Variants in RHPN2 observed in about 807,000 individuals in gnomAD.
RHPN2 encodes the protein rhophilin-2.
In RHPN2, 40 loss-of-function variants were observed where a neutral mutation model predicts 79.0. The observed-to-expected ratio is 0.51, with a 90% CI of 0.39 to 0.66. The LOEUF (loss-of-function observed/expected upper bound fraction) is 0.66, where lower values mean the gene tolerates loss of function less well. Among genes scored for constraint, RHPN2 ranks in the 30% least tolerant of loss-of-function variants. RHPN2 has a pLI of 0.00. For missense variants in RHPN2, 686 were observed against 883.5 expected, an observed-to-expected ratio of 0.78 and a Z score of 2.83; for synonymous variants, 285 against 363.5, an observed-to-expected ratio of 0.78 and a Z score of 2.46.
chr19:33,026,389 G>T, intron 3 of RHPN2, 115 bp downstream of exon 3: 3 of 1,370,332 alleles, frequency 2.2e-6, no homozygotes, highest in Non-Finnish European at 3.1e-6. Flanking sequence ...ACTTCCGAAA[G>T]TGGGGGCTGC....
rs1971761970 is a variant in RHPN2 at position 33,002,965 on chromosome 19, T to C, written c.796A>G (p.Thr266Ala). The change falls in exon 8 of 15, where the codon ACT becomes GCT. Residue 266 changes from threonine (T) to alanine (A), a missense_variant. Transcript: ENST00000254260. ...GCAGGGCTCATGTCGTAACTTGGAG[T>C]ATGGGTAAATGTGTCTTTCAGGTAA... ...LNYLKDTFTHTPSYDMSPAML... is the reference protein window; with the variant it reads ...LNYLKDTFTHAPSYDMSPAML... 6.2e-7 allele frequency: 1 copy of C among 1,613,740 alleles called. No individual in the cohort carries two copies. Among genetic ancestry groups the C allele is most frequent in the African/African-American group, 1.3e-5 (1 of 74,880 alleles).
chr19:33,027,010 A>G, intron 2 of RHPN2: 1 of 329,828 alleles, frequency 3.0e-6, no homozygotes, highest in Non-Finnish European at 6.0e-6. Flanking sequence ...TAATCCCAGC[A>G]CTCTGGGAGG....
At chr19:33,050,476 T>C (rs1972177886) in intron 1 of RHPN2, among the ~76,000 whole-genome samples, 2 of 152,154 alleles carry the variant, frequency 1.3e-5, no homozygotes, top group Admixed American at 1.3e-4. Flanking sequence ...TGCGTAACCA[T>C]CACTCCTATC....
chr19:33,060,387 T>C (rs778968198), intron 1 of RHPN2, among the ~76,000 whole-genome samples: 2 of 152,156 alleles, frequency 1.3e-5, no homozygotes, highest in Non-Finnish European at 2.9e-5. Context: ...CTCTGCCAGA[T>C]ATTGCCCTTT....
chr19:33,064,762 C>CCCCCCCCCCCCA, intron 1 of RHPN2, 22 bp downstream of exon 1: 1 of 1,405,256 alleles, frequency 7.1e-7, no homozygotes, highest in Non-Finnish European at 9.6e-7. Context: ...AGGTCCCCGC[C>CCCCCCCCCCCCA]CGCCCGCCCG....
chr19:33,058,729 A>G (rs1329505135), intron 1 of RHPN2, among the ~76,000 whole-genome samples: 2 of 152,158 alleles, frequency 1.3e-5, no homozygotes, highest in Non-Finnish European at 2.9e-5. Context: ...GCAGTGAGCC[A>G]AGATCCCGCC....
chr19:32,986,455 T>C (rs1430791010), intron 14 of RHPN2, among the ~76,000 whole-genome samples: 3 of 152,184 alleles, frequency 2.0e-5, no homozygotes, highest in Non-Finnish European at 4.4e-5. Flanking sequence ...TTTCTTATGA[T>C]CCCTTCTCCC....
At position 33,002,346 on chromosome 19, in the gene RHPN2, T is replaced by C. The variant is rs1423701745; in HGVS notation, c.1006A>G (p.Asn336Asp). 1 of 1,613,794 alleles carries C rather than the reference T, an allele frequency of 6.2e-7. No homozygotes were observed. The highest frequency in any genetic ancestry group is 8.5e-7 in the Non-Finnish European group (1 of 1,179,880). ...AAMSQAPVKE[N>D]IPYSWASLAC... Reference sequence around the variant, plus strand: ...AAGCTGGCCCAGGAGTAGGGGATGTTCTCTTTCACCGGCGCCTGGCTCATG... The same window carrying C: ...AAGCTGGCCCAGGAGTAGGGGATGTCCTCTTTCACCGGCGCCTGGCTCATG... The change falls in exon 9 of 15, where the codon AAC (asparagine) becomes GAC (aspartate). Residue 336 changes from asparagine to aspartate, a missense_variant. Asn to Asp is a conservative substitution (Grantham distance 23). Transcript: ENST00000254260.
At chr19:32,993,868 C>A (rs1008785815) in intron 12 of RHPN2, 109 bp downstream of exon 12, 17 of 827,928 alleles carry the variant, frequency 2.1e-5, no homozygotes, top group Non-Finnish European at 3.6e-5. Context: ...ATAAGCCCCC[C>A]AGTTTGAGGC....
intron 10 of RHPN2, among the ~76,000 whole-genome samples, chr19:32,998,931 G>A (rs1294089059): frequency 1.5e-5 from 2 of 136,282 alleles, no homozygotes; most frequent in African/African-American, 2.8e-5. Flanking sequence ...GGTAACAGGG[G>A]AGGGAAGAGG....
Position 32,995,932 on chromosome 19 carries a change from A to C in RHPN2, c.1420+94T>G, listed in dbSNP as rs564104949. ...CTGTGCAGCTCTCCTTGTGCCAAGC[A>C]CACAGCGAGGGCTCGCTCAACCCCC... On this transcript the variant is annotated intron_variant, in intron 11 of 14. Transcript: ENST00000254260. 2.5e-5 allele frequency: 30 copies of C among 1,223,688 alleles called. No individual in the cohort carries two copies. In the East Asian group the frequency reaches 6.7e-4, roughly 27 times the overall value. The allele number at this position is 1,223,688 out of a possible 1,614,324, so 75.8% of individuals were successfully genotyped here.
intron 2 of RHPN2, among the ~76,000 whole-genome samples, chr19:33,042,834 A>G (rs978369633): frequency 6.6e-6 from 1 of 152,130 alleles, no homozygotes; most frequent in Non-Finnish European, 1.5e-5. Context: ...TAATCCCAGC[A>G]CTTTGGGAGG....
At chr19:32,999,469 T>C in intron 10 of RHPN2, 117 bp downstream of exon 10, 1 of 1,324,950 alleles carries the variant, frequency 7.5e-7, no homozygotes, top group Admixed American at 2.0e-5. Context: ...GTGGCCACGA[T>C]GACTCGGAAC....
intron 12 of RHPN2, among the ~76,000 whole-genome samples, chr19:32,992,431 T>C (rs976351732): frequency 6.6e-6 from 1 of 151,768 alleles, no homozygotes; most frequent in East Asian, 1.9e-4. Flanking sequence ...CCTCAGGTGA[T>C]CCGCCCGCCT....
chr19:33,011,580 T>C, intron 6 of RHPN2, 99 bp downstream of exon 6: 2 of 1,443,736 alleles, frequency 1.4e-6, no homozygotes. Flanking sequence ...GGGGCTGAGG[T>C]GCACAGGGGC....
intron 4 of RHPN2, among the ~76,000 whole-genome samples, chr19:33,013,345 C>A (rs540909381): frequency 1.3e-5 from 2 of 152,024 alleles, no homozygotes; most frequent in African/African-American, 4.8e-5. Flanking sequence ...CAGGCATGTG[C>A]CACCATGCGC....
intron 1 of RHPN2, among the ~76,000 whole-genome samples, chr19:33,054,789 A>G (rs1972218512): frequency 6.6e-6 from 1 of 152,214 alleles, no homozygotes; most frequent in Admixed American, 6.6e-5. Context: ...ATCAGGCTAA[A>G]GCCAACGCCC....
chr19:33,007,845 G>A (rs1005612545), intron 7 of RHPN2, among the ~76,000 whole-genome samples, 169 bp downstream of exon 7: 2 of 151,706 alleles, frequency 1.3e-5, no homozygotes, highest in African/African-American at 4.8e-5. Context: ...TTACAGGCGT[G>A]AGCCACCGCG....
intron 2 of RHPN2, among the ~76,000 whole-genome samples, chr19:33,038,325 C>G (rs12462077): frequency 0.39 from 58,862 of 150,888 alleles, 15,306 homozygotes; most frequent in African/African-American, 0.71. Context: ...AATTAGCCTA[C>G]TATGGTGGTA....
Sources: gnomAD v4.1 joint callset for allele counts (sites outside exome capture counted in the v4.1 genomes callset) on GRCh38, gnomAD v4.1.1 for gene constraint, MANE v1.5 for transcripts, NCBI Gene and HGNC (gene_info 2026-07-23, HGNC 2026-07-21) for gene names.